Variants in ANKS1B observed in about 807,000 individuals in gnomAD.
The protein encoded by ANKS1B is ankyrin repeat and sterile alpha motif domain-containing protein 1B.
In ANKS1B, 36 loss-of-function variants were observed where a neutral mutation model predicts 148.3. The ratio of observed to expected loss-of-function variants is 0.24; its 90% CI spans 0.19 to 0.32. ANKS1B has a LOEUF of 0.32. Ranked by LOEUF, ANKS1B falls within the 10% of genes least tolerant of loss-of-function variation. ANKS1B has a pLI of 1.00. For synonymous variants in ANKS1B, 542 were observed against 560.8 expected, an observed-to-expected ratio of 0.97 and a Z score of 0.47; for missense variants, 1,157 against 1,542.6, an observed-to-expected ratio of 0.75 and a Z score of 4.19.
intron 8 of ANKS1B, among the ~76,000 whole-genome samples, chr12:99,668,465 T>G (rs1160178860): frequency 6.6e-6 from 1 of 152,082 alleles, no homozygotes; most frequent in Non-Finnish European, 1.5e-5. Flanking sequence ...AAGACCTTTC[T>G]CCTTTTCCTA....
At chr12:99,541,361 G>T (rs1395648093) in intron 9 of ANKS1B, among the ~76,000 whole-genome samples, 1 of 152,096 alleles carries the variant, frequency 6.6e-6, no homozygotes, top group Admixed American at 6.6e-5. Context: ...CCTTATAAAT[G>T]TAGACACAAC....
chr12:99,735,740 A>T (rs930677778), intron 8 of ANKS1B, among the ~76,000 whole-genome samples: 2 of 147,644 alleles, frequency 1.4e-5, no homozygotes, highest in Admixed American at 7.0e-5. Flanking sequence ...AAGAGGAGGG[A>T]GTTCTCCCTA....
intron 19 of ANKS1B, among the ~76,000 whole-genome samples, chr12:98,822,701 G>A (rs2099208301): frequency 6.6e-6 from 1 of 152,162 alleles, no homozygotes; most frequent in Non-Finnish European, 1.5e-5. Flanking sequence ...AGGTGGAGAC[G>A]TCAGAGCTTC....
At chr12:99,068,899 A>ACCTGC (rs1197078377) in intron 16 of ANKS1B, among the ~76,000 whole-genome samples, 6 of 152,128 alleles carry the variant, frequency 3.9e-5, no homozygotes, top group African/African-American at 1.2e-4. Flanking sequence ...AGCACCATCC[A>ACCTGC]CCTGCCCAAA....
chr12:99,634,437 T>C (rs1333664604), intron 9 of ANKS1B, among the ~76,000 whole-genome samples: 1 of 152,116 alleles, frequency 6.6e-6, no homozygotes, highest in Non-Finnish European at 1.5e-5. Context: ...CTATAAAAAA[T>C]ATATTACTTT....
chr12:99,886,910 TTA>T (rs1348631494), intron 1 of ANKS1B, among the ~76,000 whole-genome samples: 2 of 152,214 alleles, frequency 1.3e-5, no homozygotes, highest in Non-Finnish European at 2.9e-5. Context: ...AGAGCATGAC[TTA>T]TAGATTACCT....
chr12:99,505,996 G>A (rs7398838), intron 9 of ANKS1B, among the ~76,000 whole-genome samples: 25,189 of 151,966 alleles, frequency 0.17, 2,278 homozygotes, highest in Non-Finnish European at 0.2. Flanking sequence ...TACCCTTGTG[G>A]TTTTGTGGCT....
At chr12:99,199,244 T>G (rs1165778216) in intron 14 of ANKS1B, among the ~76,000 whole-genome samples, 1 of 152,236 alleles carries the variant, frequency 6.6e-6, no homozygotes, top group Non-Finnish European at 1.5e-5. Context: ...TCTATTACTG[T>G]CTTAAGTCAT....
chr12:99,159,972 A>C (rs1286427854), intron 14 of ANKS1B, among the ~76,000 whole-genome samples: 1 of 152,170 alleles, frequency 6.6e-6, no homozygotes, highest in African/African-American at 2.4e-5. Flanking sequence ...TTCTCCGATG[A>C]TCAGTGACGT....
At chr12:99,025,532 A>G (rs145226347) in intron 17 of ANKS1B, among the ~76,000 whole-genome samples, 4 of 152,290 alleles carry the variant, frequency 2.6e-5, no homozygotes, top group Admixed American at 6.5e-5. Flanking sequence ...TTGCTTTTTC[A>G]TGTGGTATTT....
intron 17 of ANKS1B, among the ~76,000 whole-genome samples, chr12:98,892,453 C>T (rs1490200635): frequency 3.3e-5 from 5 of 152,114 alleles, no homozygotes; most frequent in Non-Finnish European, 7.4e-5. Context: ...TACCCTATTT[C>T]GAATATGTAG....
At chr12:99,704,450 C>G (rs11110008) in intron 8 of ANKS1B, among the ~76,000 whole-genome samples, 1 of 151,942 alleles carries the variant, frequency 6.6e-6, no homozygotes, top group Admixed American at 6.6e-5. Flanking sequence ...TTCTCTGAAA[C>G]AGTCTAGAAA....
At chr12:98,997,703 T>G (rs748098160) in intron 17 of ANKS1B, among the ~76,000 whole-genome samples, 17 of 152,132 alleles carry the variant, frequency 1.1e-4, no homozygotes, top group South Asian at 2.1e-4. Flanking sequence ...GGCTTCAAAA[T>G]TTTTAAACAT....
At chr12:99,871,542 A>G (rs572630632) in intron 1 of ANKS1B, among the ~76,000 whole-genome samples, 2 of 152,266 alleles carry the variant, frequency 1.3e-5, no homozygotes, top group East Asian at 3.9e-4. Flanking sequence ...CCAATCCATG[A>G]GCATGGAATT....
At chr12:99,082,239 A>G (rs1490852079) in intron 16 of ANKS1B, among the ~76,000 whole-genome samples, 1 of 152,144 alleles carries the variant, frequency 6.6e-6, no homozygotes, top group Non-Finnish European at 1.5e-5. Flanking sequence ...AAATAATATA[A>G]CTTCAGATCA....
intron 12 of ANKS1B, among the ~76,000 whole-genome samples, chr12:99,263,457 A>G (rs1332926825): frequency 6.6e-6 from 1 of 152,132 alleles, no homozygotes; most frequent in East Asian, 1.9e-4. Context: ...TTTATTTTAC[A>G]TTCTAGAATC....
In ANKS1B at chr12:98,798,990, G is replaced by A. The variant is rs1308267315; in HGVS notation, c.3286C>T (p.Leu1096=). The A allele has an allele frequency of 6.2e-7, 1 of 1,603,816 alleles. No homozygotes were observed. The highest frequency in any genetic ancestry group is 8.5e-7 in the Non-Finnish European group (1 of 1,175,324). ...DYKAFYLGSM[L]IKELRGTEST... is the part of the protein sequence containing the mutation. The stretch of plus-strand genomic sequence containing the variant: ...TCTGTCCCCCTAAGCTCTTTTATCA[G>A]CATAGAACCTAAATACTAAAATACA... The change falls in exon 22 of 27, where the codon CTG becomes TTG. Residue 1096 remains leucine (L), a synonymous_variant. Transcript: ENST00000683438.
intron 1 of ANKS1B, among the ~76,000 whole-genome samples, chr12:99,836,195 A>T (rs996950617): frequency 6.6e-6 from 1 of 152,170 alleles, no homozygotes; most frequent in African/African-American, 2.4e-5. Flanking sequence ...ATAAAGTTTC[A>T]TCGAAACACA....
rs1042612552 is a variant in ANKS1B, at chr12:99,443,954, G to A, written c.1439-145C>T. 3 of 944,772 alleles carry A rather than the reference G, an allele frequency of 3.2e-6. No individual in the cohort carries two copies. In the African/African-American group the frequency reaches 5.0e-5, roughly 16 times the overall value. 58.5% of individuals were successfully genotyped at this position (944,772 alleles called of 1,614,324 possible). On this transcript the variant is annotated intron_variant, in intron 10 of 26. Transcript: ENST00000683438. The stretch of plus-strand genomic sequence containing the variant: ...ATCATAATGAGGAATATGCTCAGTA[G>A]TATATTTTAAAGATAATGCTTTTTG...
Sources: gnomAD v4.1 joint callset for allele counts (sites outside exome capture counted in the v4.1 genomes callset) on GRCh38, gnomAD v4.1.1 for gene constraint, MANE v1.5 for transcripts, NCBI Gene and HGNC (gene_info 2026-07-23, HGNC 2026-07-21) for gene names.